MTFR1: variants seen among roughly 807,000 people sequenced by gnomAD.
MTFR1 encodes mitochondrial fission regulator 1, also known as chondrocyte protein with a poly-proline region.
In MTFR1, 28 loss-of-function variants were observed where a neutral mutation model predicts 38.8. The ratio of observed to expected loss-of-function variants is 0.72; its 90% CI spans 0.53 to 0.99. The LOEUF is 0.99. Ranked by LOEUF, MTFR1 falls within the 50% of genes least tolerant of loss-of-function variation. The pLI, the probability that MTFR1 is intolerant of heterozygous loss-of-function variation, is 0.00. For synonymous variants in MTFR1, 145 were observed against 137.0 expected (o/e 1.06, Z -0.41); for missense variants, 358 against 395.5 (o/e 0.91, Z 0.81).
downstream of MTFR1, among the ~76,000 whole-genome samples, chr8:65,774,319 A>ATTATGC (rs1554564574): frequency 3.3e-5 from 5 of 151,680 alleles, no homozygotes; most frequent in Admixed American, 1.3e-4. Flanking sequence ...TAGTGAGAAT[A>ATTATGC]TTATAAAAAG....
Position 65,704,749 on chromosome 8 carries a change from G to T in MTFR1, c.337G>T (p.Ala113Ser). ...LQDDLLFFEK[A>S]PSRQISLPDL... ...GGATGACCTTCTTTTCTTTGAGAAG[G>T]CCCCAAGCAGACAGATTTCCTTACC... The change falls in exon 5 of 8, where the codon GCC becomes TCC. Residue 113 changes from alanine (A) to serine (S), a missense_variant. Ala to Ser is a moderately conservative substitution (Grantham distance 99). Coordinates refer to ENST00000262146, the MANE Select transcript of MTFR1 (RefSeq NM_014637.4). 1 of 1,614,040 alleles carries T rather than the reference G, an allele frequency of 6.2e-7. No homozygotes were observed. Among genetic ancestry groups the T allele is most frequent in the Non-Finnish European group, 8.5e-7 (1 of 1,180,002 alleles).
chr8:65,738,557 G>A (rs1305711649), intron 3 of MTFR1, among the ~76,000 whole-genome samples: 3 of 152,100 alleles, frequency 2.0e-5, no homozygotes, highest in Non-Finnish European at 4.4e-5. Context: ...AGCCTCCCGA[G>A]CAGCTGGGAT....
downstream of MTFR1, among the ~76,000 whole-genome samples, chr8:65,774,630 A>G (rs1351774996): frequency 1.3e-5 from 2 of 151,462 alleles, no homozygotes; most frequent in African/African-American, 4.8e-5. Context: ...TAAATTTTTA[A>G]TATTTAAATA....
intron 3 of MTFR1, among the ~76,000 whole-genome samples, chr8:65,758,480 C>T (rs1325654938): frequency 6.6e-6 from 1 of 152,172 alleles, no homozygotes; most frequent in Non-Finnish European, 1.5e-5. Flanking sequence ...TCAGCATCCT[C>T]CACAACCCCT....
intron 1 of MTFR1, among the ~76,000 whole-genome samples, chr8:65,662,250 GC>G (rs981610842): frequency 1.3e-5 from 2 of 152,026 alleles, no homozygotes; most frequent in African/African-American, 4.8e-5. Flanking sequence ...GGCGCGCGCC[GC>G]CACGCCTGAT....
chr8:65,662,858 G>A (rs548195778), intron 1 of MTFR1, among the ~76,000 whole-genome samples: 9 of 151,470 alleles, frequency 5.9e-5, no homozygotes, highest in Non-Finnish European at 1.2e-4. Context: ...GAAGGGAGGT[G>A]GGGGGGTTAG....
At chr8:65,778,302 T>C in the MTFR1 span, among the ~76,000 whole-genome samples, 1 of 152,162 alleles carries the variant, frequency 6.6e-6, no homozygotes, top group Non-Finnish European at 1.5e-5. Context: ...TTAGTCCAAC[T>C]ACCCTAAGAC....
intron 3 of MTFR1, chr8:65,719,506 T>C (rs1193105508): frequency 9.5e-6 from 15 of 1,579,560 alleles, no homozygotes; most frequent in Admixed American, 1.7e-5. Flanking sequence ...CTTGAGAAAA[T>C]AGGAGAAAAA....
At chr8:65,702,449 G>A (rs1244265054) in intron 4 of MTFR1, among the ~76,000 whole-genome samples, 3 of 151,728 alleles carry the variant, frequency 2.0e-5, no homozygotes, top group Admixed American at 6.6e-5. Context: ...ACAGGCACCC[G>A]CCAACACACC....
At chr8:65,660,667 T>A (rs887295168) in intron 1 of MTFR1, among the ~76,000 whole-genome samples, 1 of 152,176 alleles carries the variant, frequency 6.6e-6, no homozygotes, top group Non-Finnish European at 1.5e-5. Flanking sequence ...CATGAGCCAA[T>A]CCCTCATAAT....
chr8:65,682,185 A>G (rs550887536), intron 2 of MTFR1, 168 bp from the exon 3 acceptor site: 94 of 303,442 alleles, frequency 3.1e-4, no homozygotes, highest in African/African-American at 1.9e-3. Context: ...CTATCTATAT[A>G]TTCTTTATTT....
intron 7 of MTFR1, 99 bp downstream of exon 7, chr8:65,708,110 T>G: frequency 6.2e-7 from 1 of 1,601,964 alleles, no homozygotes; most frequent in Non-Finnish European, 8.5e-7. Flanking sequence ...CATCTGTAAG[T>G]TCCAAAGGGA....
intron 1 of MTFR1, among the ~76,000 whole-genome samples, chr8:65,661,701 C>A (rs543135498): frequency 6.6e-6 from 1 of 152,158 alleles, no homozygotes; most frequent in East Asian, 1.9e-4. Flanking sequence ...CGGTGGCTCA[C>A]ACTTGTAATC....
chr8:65,693,860 G>A, intron 4 of MTFR1, 101 bp downstream of exon 4: 1 of 819,462 alleles, frequency 1.2e-6, no homozygotes, highest in Non-Finnish European at 2.0e-6. Flanking sequence ...TTTATCTCTA[G>A]TAATGCACCC....
chr8:65,717,478 TC>T (rs2129062379), intron 2 of MTFR1: 1 of 152,318 alleles, frequency 6.6e-6, no homozygotes, highest in Non-Finnish European at 1.5e-5. Context: ...AGCTGACCTC[TC>T]CCCTGTGTTA....
In MTFR1 at chr8:65,704,905, C is replaced by T. The variant is rs150643671; in HGVS notation, c.493C>T (p.Gln165Ter). The T allele has an allele frequency of 3.1e-6, 5 of 1,598,066 alleles. No homozygotes were observed. In the East Asian group the frequency reaches 1.1e-4, roughly 36 times the overall value. Residue 165 changes from glutamine (Q) to a stop codon, truncating the protein, a stop_gained, in exon 5 of 8, where the codon CAG becomes TAG. Coordinates refer to ENST00000262146, the MANE Select transcript of MTFR1 (RefSeq NM_014637.4). LOFTEE classifies it high-confidence loss of function. ...TCAGATTGCCAAAATTGTGACCCAG[C>T]AGGAGCAGCAAAATCTCACTGCAGG... Reference protein sequence around the residue: ...RAQIAKIVTQQEQQNLTAGDL... With the variant: ...RAQIAKIVTQ
chr8:65,719,181 C>A, intron 2 of MTFR1: 1 of 714,572 alleles, frequency 1.4e-6, no homozygotes. Context: ...TGGCTGGCAT[C>A]ACTCACTTGG....
chr8:65,757,561 T>C (rs1286821036), intron 3 of MTFR1, among the ~76,000 whole-genome samples: 1 of 152,198 alleles, frequency 6.6e-6, no homozygotes, highest in African/African-American at 2.4e-5. Context: ...CTGGAATAAT[T>C]GAGCTAAGAG....
intron 4 of MTFR1, among the ~76,000 whole-genome samples, chr8:65,703,212 TAAAA>T (rs769588119): frequency 6.6e-6 from 1 of 150,920 alleles, no homozygotes; most frequent in Non-Finnish European, 1.5e-5. Context: ...CCCTGTCTCT[TAAAA>T]AAAAGAGAAA....
Sources: gnomAD v4.1 joint callset for allele counts (sites outside exome capture counted in the v4.1 genomes callset) on GRCh38, gnomAD v4.1.1 for gene constraint, MANE v1.5 for transcripts, NCBI Gene and HGNC (gene_info 2026-07-23, HGNC 2026-07-21) for gene names.